Variants in NDST4 observed in about 807,000 individuals in gnomAD.
The protein encoded by NDST4 is N-heparan sulfate sulfotransferase 4.
Under a neutral mutation model 100.8 loss-of-function variants are expected in NDST4, and 63 were observed. That is an observed-to-expected ratio of 0.62 (90% CI 0.51 to 0.77). NDST4 has a LOEUF of 0.77. Among genes scored for constraint, NDST4 ranks in the 30% least tolerant of loss-of-function variants. NDST4 has a pLI of 0.00. For missense variants in NDST4, 943 were observed against 1,018.4 expected (o/e 0.93, Z 1.01); for synonymous variants, 377 against 361.8 (o/e 1.04, Z -0.48).
chr4:114,858,710 C>T lies in NDST4; in HGVS notation c.1720-5889G>A, dbSNP rs188414012. Among the ~76,000 whole-genome samples the T allele has an allele frequency of 4.2e-4, 64 of 152,284 alleles. 1 individual carries two copies. Among genetic ancestry groups the T allele is most frequent in the Non-Finnish European group, 7.4e-5 (5 of 68,014 alleles). On this transcript the variant is annotated intron_variant, in intron 7 of 13. Coordinates refer to ENST00000264363, the MANE Select transcript of NDST4 (RefSeq NM_022569.3). ...AGGAGTTGATGTGGGAATGGACCCC[C>T]TTACCAGTATTCCCAATGATATGCT...
intron 7 of NDST4, among the ~76,000 whole-genome samples, chr4:114,855,676 C>T (rs909084097): frequency 3.3e-5 from 5 of 152,094 alleles, no homozygotes; most frequent in Admixed American, 3.3e-4. Flanking sequence ...GTTCCTATAG[C>T]TCTGTAGTAT....
At chr4:115,032,710 G>T (rs980356140) in intron 2 of NDST4, among the ~76,000 whole-genome samples, 1 of 152,028 alleles carries the variant, frequency 6.6e-6, no homozygotes, top group African/African-American at 2.4e-5. Flanking sequence ...ATTTATTACT[G>T]TCTTCTGACC....
rs182053832 is a variant in NDST4 at position 115,096,702 on chromosome 4, C to T, written c.-247+16742G>A. 9.2e-5 allele frequency among the ~76,000 whole-genome samples: 14 copies of T among 152,110 alleles called. No homozygotes were observed. In the East Asian group the frequency reaches 1.5e-3, roughly 17 times the overall value. On this transcript the variant is annotated intron_variant, in intron 1 of 13. Coordinates refer to ENST00000264363, the MANE Select transcript of NDST4 (RefSeq NM_022569.3). ...CATGTAGCAATAATATTTTCCTTCT[C>T]GACTAAAATATCCATTCTAACACAG...
chr4:114,924,431 A>T (rs867220936), intron 6 of NDST4, among the ~76,000 whole-genome samples: 29 of 148,712 alleles, frequency 2.0e-4, no homozygotes, highest in South Asian at 1.5e-3. Context: ...ATCTTTAAGG[A>T]TAGAAAAAAA....
chr4:114,829,874 A>G lies in NDST4; in HGVS notation c.2415T>C (p.Gly805=), dbSNP rs772708828. 6.2e-6 allele frequency: 10 copies of G among 1,609,976 alleles called. 1 individual carries two copies. In the South Asian group the frequency reaches 8.9e-5, roughly 14 times the overall value. ...CTCCTTCCAGTAATTGACACCAAAA[A>G]CCCTTTTGGGGATCAAACCTACAGT... The part of the protein sequence containing the change: ...SEALTFDPQK[G]FWCQLLEGGK... Residue 805 remains glycine (G), a synonymous_variant, in exon 13 of 14, where the codon GGT becomes GGC. Transcript: ENST00000264363.
intron 2 of NDST4, among the ~76,000 whole-genome samples, chr4:115,019,005 C>T (rs1727749876): frequency 6.6e-6 from 1 of 151,852 alleles, no homozygotes; most frequent in Admixed American, 6.6e-5. Context: ...TTCTTTATAG[C>T]TCTCTCATTA....
In NDST4 at chr4:114,935,336, T is replaced by C. The variant is rs1725605222; in HGVS notation, c.1408-2A>G. The stretch of plus-strand genomic sequence containing the variant: ...CCCACAAGTCTGTCGAGGGAGGACC[T>C]GAGTAAAAAAGGGGAAAAACAGCAC... On this transcript the variant is annotated splice_acceptor_variant, in intron 5 of 13. Coordinates refer to ENST00000264363, the MANE Select transcript of NDST4 (RefSeq NM_022569.3). LOFTEE classifies it high-confidence loss of function. 2 of 1,571,210 alleles carry C rather than the reference T, an allele frequency of 1.3e-6. No individual in the cohort carries two copies. Among genetic ancestry groups the C allele is most frequent in the Non-Finnish European group, 1.7e-6 (2 of 1,160,050 alleles).
In NDST4 at chr4:114,993,654, C is replaced by T. The variant is rs181392892; in HGVS notation, c.979-16380G>A. Among the ~76,000 whole-genome samples, 640 of 152,032 alleles carry T rather than the reference C, an allele frequency of 4.2e-3. 10 individuals are homozygous for T. Among genetic ancestry groups the T allele is most frequent in the Middle Eastern group, 0.017 (5 of 294 alleles). On this transcript the variant is annotated intron_variant, in intron 2 of 13. Coordinates refer to ENST00000264363, the MANE Select transcript of NDST4 (RefSeq NM_022569.3). Reference sequence around the variant, plus strand: ...TGTTTTAAAAACCAAATGATGAAGGCAACTGCTCATCTAGGTGTTGTGTGA... The same window carrying T: ...TGTTTTAAAAACCAAATGATGAAGGTAACTGCTCATCTAGGTGTTGTGTGA...
chr4:114,845,753 T>C, intron 10 of NDST4, 70 bp downstream of exon 10: 1 of 1,394,412 alleles, frequency 7.2e-7, no homozygotes, highest in Non-Finnish European at 9.9e-7. Context: ...GGTTCTATTC[T>C]GGTTATTTTT....
At chr4:114,951,622 G>A (rs914937510) in intron 4 of NDST4, among the ~76,000 whole-genome samples, 19 of 152,016 alleles carry the variant, frequency 1.2e-4, no homozygotes, top group African/African-American at 3.6e-4. Flanking sequence ...AAACCTTTGG[G>A]GTAGGAACTA....
chr4:114,976,404 A>G (rs1391693006), intron 3 of NDST4, among the ~76,000 whole-genome samples: 1 of 152,032 alleles, frequency 6.6e-6, no homozygotes, highest in Non-Finnish European at 1.5e-5. Context: ...TTTTTGTCAA[A>G]GACAATCAAT....
chr4:115,048,209 CT>C (rs1728506108), intron 2 of NDST4, among the ~76,000 whole-genome samples: 1 of 151,684 alleles, frequency 6.6e-6, no homozygotes, highest in African/African-American at 2.4e-5. Flanking sequence ...GCCATGCAGA[CT>C]TTTTAAGCAT....
intron 10 of NDST4, among the ~76,000 whole-genome samples, chr4:114,844,411 C>T (rs1294365594): frequency 6.6e-6 from 1 of 152,146 alleles, no homozygotes; most frequent in Non-Finnish European, 1.5e-5. Flanking sequence ...TAGGTCTCTA[C>T]CTAGGATTTT....
intron 6 of NDST4, among the ~76,000 whole-genome samples, chr4:114,920,561 A>G (rs1725266798): frequency 1.3e-5 from 2 of 152,232 alleles, no homozygotes; most frequent in South Asian, 4.1e-4. Flanking sequence ...AGTGGCAACT[A>G]TAAATCAAGG....
chr4:114,867,965 G>T, intron 7 of NDST4, among the ~76,000 whole-genome samples: 1 of 152,140 alleles, frequency 6.6e-6, no homozygotes, highest in South Asian at 2.1e-4. Context: ...TCATATTGCA[G>T]TTTTTAATTA....
chr4:115,074,167 T>C (rs1729133712), intron 2 of NDST4, among the ~76,000 whole-genome samples: 1 of 151,952 alleles, frequency 6.6e-6, no homozygotes, highest in Admixed American at 6.6e-5. Flanking sequence ...GCTCAAGCCT[T>C]TGTTAAATTA....
chr4:114,873,582 A>G (rs1002712859), intron 6 of NDST4, among the ~76,000 whole-genome samples: 9 of 152,082 alleles, frequency 5.9e-5, no homozygotes, highest in Non-Finnish European at 1.3e-4. Context: ...TATCTCAAAT[A>G]GAAAGTTCCC....
intron 6 of NDST4, among the ~76,000 whole-genome samples, chr4:114,898,742 A>G (rs1208430613): frequency 7.1e-6 from 1 of 139,972 alleles, no homozygotes; most frequent in African/African-American, 3.1e-5. Context: ...CCTCACGTAA[A>G]TTTTGCACTT....
chr4:115,067,990 G>A (rs538758738), intron 2 of NDST4, among the ~76,000 whole-genome samples: 9 of 131,532 alleles, frequency 6.8e-5, no homozygotes, highest in African/African-American at 9.9e-5. Flanking sequence ...GAGAACACAC[G>A]GTGTTTGGTT....
Sources: allele counts gnomAD v4.1 joint callset (sites outside exome capture counted in the v4.1 genomes callset), GRCh38; gene constraint gnomAD v4.1.1; transcripts MANE v1.5; gene names NCBI Gene and HGNC (gene_info 2026-07-23, HGNC 2026-07-21).